Variants in MACROD2 observed in about 807,000 individuals in gnomAD.
MACROD2 encodes mono-ADP ribosylhydrolase 2, also known as ADP-ribose glycohydrolase MACROD2.
MACROD2 carries 36 observed loss-of-function variants against 70.4 expected under a neutral mutation model. That is an observed-to-expected ratio of 0.51 (90% confidence interval 0.39 to 0.68). The LOEUF is 0.68. Among genes scored for constraint, MACROD2 ranks in the 30% least tolerant of loss-of-function variants. The pLI is 0.00. For missense variants in MACROD2, 496 were observed against 538.4 expected (o/e 0.92, Z 0.78); for synonymous variants, 172 against 178.8 (o/e 0.96, Z 0.30).
chr20:15,936,461 C>A (rs2065662578), intron 11 of MACROD2, among the ~76,000 whole-genome samples: 1 of 147,600 alleles, frequency 6.8e-6, no homozygotes, highest in South Asian at 2.1e-4. Flanking sequence ...TATATATACT[C>A]TATAATTTAT....
At chr20:15,862,706 ATT>A in intron 8 of MACROD2, 37 bp from the exon 9 acceptor site, 1 of 1,534,876 alleles carries the variant, frequency 6.5e-7, no homozygotes. Flanking sequence ...CAATTGCCAT[ATT>A]TTTTTTCACT....
At chr20:14,433,378 C>A (rs1474732741) in intron 3 of MACROD2, among the ~76,000 whole-genome samples, 1 of 152,016 alleles carries the variant, frequency 6.6e-6, no homozygotes, top group Non-Finnish European at 1.5e-5. Flanking sequence ...GAAATGCAAG[C>A]CTTTTTATTT....
chr20:15,672,183 A>G (rs2049988997), intron 8 of MACROD2, among the ~76,000 whole-genome samples: 1 of 152,176 alleles, frequency 6.6e-6, no homozygotes, highest in Non-Finnish European at 1.5e-5. Context: ...CTCTGCACAG[A>G]TGAAATAATA....
chr20:14,172,338 T>C (rs56710018), intron 3 of MACROD2, among the ~76,000 whole-genome samples: 30 of 136,426 alleles, frequency 2.2e-4, no homozygotes, highest in African/African-American at 8.0e-4. Flanking sequence ...GGAGTCTTGC[T>C]CTGTTGCCCA....
Position 15,527,593 on chromosome 20 carries a change from A to AC in MACROD2, c.645+27749dup, listed in dbSNP as rs1487716846. Among the ~76,000 whole-genome samples the AC allele has an allele frequency of 4.6e-5, 7 of 152,226 alleles. No individual in the cohort carries two copies. In the East Asian group the frequency reaches 1.4e-3, roughly 29 times the overall value. The stretch of plus-strand genomic sequence containing the variant: ...CCCTATATCATAACTACCCAGCACT[A>AC]CCCTGCAAATCCTCAGAGACTGCCC... On this transcript the variant is annotated intron_variant, in intron 8 of 17. Coordinates refer to ENST00000684519, the MANE Select transcript of MACROD2 (RefSeq NM_001351661.2).
chr20:14,424,351 A>G (rs1410341570), intron 3 of MACROD2, among the ~76,000 whole-genome samples: 1 of 152,206 alleles, frequency 6.6e-6, no homozygotes, highest in Non-Finnish European at 1.5e-5. Context: ...GTTATTAGCA[A>G]GAAGTGGCAT....
At chr20:14,094,391 G>A (rs892461850) in intron 3 of MACROD2, among the ~76,000 whole-genome samples, 3 of 152,116 alleles carry the variant, frequency 2.0e-5, no homozygotes, top group Non-Finnish European at 4.4e-5. Flanking sequence ...TTCTCAATTT[G>A]TACATATGAC....
At chr20:15,927,224 C>T (rs1451176136) in intron 10 of MACROD2, among the ~76,000 whole-genome samples, 2 of 152,106 alleles carry the variant, frequency 1.3e-5, no homozygotes. Context: ...AATAATAATG[C>T]TTTGGGGGAA....
chr20:14,389,948 G>A (rs761251166), intron 3 of MACROD2, among the ~76,000 whole-genome samples: 2 of 152,124 alleles, frequency 1.3e-5, no homozygotes, highest in Non-Finnish European at 2.9e-5. Flanking sequence ...AGGAAGAGAG[G>A]AAGTAAACTA....
chr20:15,167,218 G>C (rs2076391942), intron 5 of MACROD2, among the ~76,000 whole-genome samples: 1 of 152,082 alleles, frequency 6.6e-6, no homozygotes, highest in Non-Finnish European at 1.5e-5. Flanking sequence ...GTGTGTAAAA[G>C]TGAAGTAAAC....
At chr20:15,610,251 T>G (rs1194647513) in intron 8 of MACROD2, among the ~76,000 whole-genome samples, 1 of 152,316 alleles carries the variant, frequency 6.6e-6, no homozygotes. Flanking sequence ...ACGATCTTAG[T>G]TGCCTAGAGC....
At chr20:14,254,253 C>G (rs2082035641) in intron 3 of MACROD2, among the ~76,000 whole-genome samples, 2 of 151,890 alleles carry the variant, frequency 1.3e-5, no homozygotes, top group African/African-American at 4.8e-5. Context: ...CTAATTCTCT[C>G]AAAAATATTT....
chr20:14,079,854 C>G (rs1261842607), intron 2 of MACROD2, among the ~76,000 whole-genome samples: 1 of 152,144 alleles, frequency 6.6e-6, no homozygotes, highest in Non-Finnish European at 1.5e-5. Context: ...TTCCCAATCC[C>G]TAGGTCTCAG....
rs1980151357 is a variant in MACROD2, at chr20:14,570,936, CTACCCCAATCCT to C, written c.301+77429_301+77440del. Among the ~76,000 whole-genome samples the C allele has an allele frequency of 3.3e-5, 5 of 152,164 alleles. No homozygotes were observed. In the East Asian group the frequency reaches 7.7e-4, roughly 24 times the overall value. On this transcript the variant is annotated intron_variant, in intron 4 of 17. Transcript: ENST00000684519. The stretch of plus-strand genomic sequence containing the variant: ...TGGTTTATTCCTACTTCTCCTTCAT[CTACCCCAATCCT>C]CCCACGTATCTCCAATTCCAATTTG...
intron 5 of MACROD2, among the ~76,000 whole-genome samples, chr20:14,854,637 T>C (rs1022553505): frequency 6.6e-6 from 1 of 152,150 alleles, no homozygotes; most frequent in African/African-American, 2.4e-5. Context: ...AGCTTGTCAC[T>C]CAAAAGTAAA....
chr20:14,377,200 C>G (rs1221714107), intron 3 of MACROD2, among the ~76,000 whole-genome samples: 2 of 152,112 alleles, frequency 1.3e-5, no homozygotes, highest in Non-Finnish European at 2.9e-5. Flanking sequence ...GAATAGAGAG[C>G]AATATAGTAA....
At chr20:15,857,945 A>C (rs1258659757) in intron 8 of MACROD2, among the ~76,000 whole-genome samples, 1 of 152,214 alleles carries the variant, frequency 6.6e-6, no homozygotes, top group Non-Finnish European at 1.5e-5. Context: ...TGTGAGGTTC[A>C]TGCACTGTCT....
At chr20:15,145,285 T>G (rs1310648113) in intron 5 of MACROD2, among the ~76,000 whole-genome samples, 2 of 152,180 alleles carry the variant, frequency 1.3e-5, no homozygotes, top group Non-Finnish European at 2.9e-5. Context: ...TCTTTGGGAT[T>G]TATTTTCTGG....
At chr20:14,433,770 A>C (rs900735271) in intron 3 of MACROD2, among the ~76,000 whole-genome samples, 5 of 152,008 alleles carry the variant, frequency 3.3e-5, no homozygotes, top group Admixed American at 3.3e-4. Flanking sequence ...TGGAGAATTG[A>C]TTTGCTTGTA....
Sources: allele counts gnomAD v4.1 joint callset (sites outside exome capture counted in the v4.1 genomes callset), GRCh38; gene constraint gnomAD v4.1.1; transcripts MANE v1.5; gene names NCBI Gene and HGNC (gene_info 2026-07-23, HGNC 2026-07-21).